EHD1: variants seen among roughly 807,000 people sequenced by gnomAD.
EHD1 encodes EH domain containing 1.
A neutral mutation model predicts 39.0 loss-of-function variants in EHD1; 19 were observed. The ratio of observed to expected loss-of-function variants is 0.49; its 90% confidence interval spans 0.34 to 0.72. EHD1 has a LOEUF of 0.72. Among genes scored for constraint, EHD1 ranks in the 30% least tolerant of loss-of-function variants. The pLI, the probability that EHD1 is intolerant of heterozygous loss-of-function variation, is 0.01. For missense variants in EHD1, 542 were observed against 751.5 expected, an observed-to-expected ratio of 0.72 and a Z score of 3.26; for synonymous variants, 323 against 331.2, an observed-to-expected ratio of 0.98 and a Z score of 0.27.
chr11:64,873,709 C>T (rs1217888822), intron 2 of EHD1, among the ~76,000 whole-genome samples: 2 of 151,352 alleles, frequency 1.3e-5, no homozygotes, highest in East Asian at 2.0e-4. Flanking sequence ...GACGGAGTCT[C>T]GCTGTCGCCC....
At chr11:64,866,463 A>T (rs649208) in intron 2 of EHD1, among the ~76,000 whole-genome samples, 28 of 151,890 alleles carry the variant, frequency 1.8e-4, no homozygotes, top group Non-Finnish European at 3.4e-4. Context: ...TGGGAGGCTG[A>T]GGCAGGAGGA....
chr11:64,870,339 C>A (rs1250318663), intron 2 of EHD1, among the ~76,000 whole-genome samples: 1 of 152,214 alleles, frequency 6.6e-6, no homozygotes, highest in Non-Finnish European at 1.5e-5. Flanking sequence ...ACAGCCCCTA[C>A]CTGGGTTCAA....
chr11:64,864,962 C>T (rs889655598), intron 2 of EHD1, among the ~76,000 whole-genome samples: 2 of 152,208 alleles, frequency 1.3e-5, no homozygotes, highest in Admixed American at 1.3e-4. Flanking sequence ...AGAGTGAGCA[C>T]TCCAAAACTC....
intron 2 of EHD1, among the ~76,000 whole-genome samples, chr11:64,872,290 A>T (rs112146687): frequency 6.6e-6 from 1 of 152,098 alleles, no homozygotes; most frequent in Non-Finnish European, 1.5e-5. Context: ...GCGAAACCCC[A>T]TATCTACTAA....
rs186299813 is a variant in EHD1, at chr11:64,876,245, G to A, written c.405-1727C>T. ...GAGAAGGCCGGCAAGTCAAGTTCAC[G>A]ACTCAATGAGTCTCTTCAAGACTCA... On this transcript the variant is annotated intron_variant, in intron 1 of 4. Transcript: ENST00000320631. Among the ~76,000 whole-genome samples the A allele has an allele frequency of 4.7e-4, 72 of 152,324 alleles. 1 individual carries two copies. The highest frequency in any genetic ancestry group is 3.4e-3 in the Middle Eastern group (1 of 294).
intron 3 of EHD1, among the ~76,000 whole-genome samples, chr11:64,858,522 A>G (rs946834361): frequency 6.6e-6 from 1 of 152,168 alleles, no homozygotes; most frequent in Non-Finnish European, 1.5e-5. Flanking sequence ...GCCCTGTGCT[A>G]AGAGCCTGAA....
chr11:64,879,484 G>A, upstream of EHD1: 3 of 1,402,176 alleles, frequency 2.1e-6, no homozygotes, highest in Non-Finnish European at 2.9e-6. Context: ...GAGGGGAAGT[G>A]TGGGGGCAAC....
chr11:64,866,402 A>T (rs897743437), intron 2 of EHD1, among the ~76,000 whole-genome samples: 1 of 152,124 alleles, frequency 6.6e-6, no homozygotes, highest in African/African-American at 2.4e-5. Context: ...AGGACAGAAA[A>T]ACTGCCTAGC....
rs547602653 is a variant in EHD1 at position 64,854,172 on chromosome 11, C to T, written c.*161G>A. 6 of 1,267,674 alleles carry T rather than the reference C, an allele frequency of 4.7e-6. No homozygotes were observed. In the South Asian group the frequency reaches 7.9e-5, roughly 17 times the overall value. The allele number at this position is 1,267,674 out of a possible 1,614,324, so 78.5% of individuals were successfully genotyped here. ...TCTCACCCCTGCCTCCCCCGCCAGG[C>T]CCAGGAACAGCCTTAAAAGAAAGAT... On this transcript the variant is annotated 3_prime_UTR_variant, in exon 5 of 5. Transcript: ENST00000320631.
At chr11:64,872,000 G>A (rs1409905208) in intron 2 of EHD1, among the ~76,000 whole-genome samples, 3 of 152,140 alleles carry the variant, frequency 2.0e-5, no homozygotes, top group Non-Finnish European at 2.9e-5. Context: ...GAGACAGCCA[G>A]TGTAGACACC....
intron 2 of EHD1, among the ~76,000 whole-genome samples, chr11:64,871,530 CA>C (rs2136496811): frequency 6.6e-6 from 1 of 152,376 alleles, no homozygotes; most frequent in South Asian, 2.1e-4. Context: ...AAACCCTAAC[CA>C]GGTAACTTTT....
intron 2 of EHD1, among the ~76,000 whole-genome samples, chr11:64,870,403 C>T (rs1192652120): frequency 6.6e-6 from 1 of 152,220 alleles, no homozygotes; most frequent in African/African-American, 2.4e-5. Context: ...AATTACTTAA[C>T]TTTCCTAAGC....
chr11:64,863,456 A>G (rs3888184), intron 2 of EHD1, among the ~76,000 whole-genome samples: 10,068 of 152,240 alleles, frequency 0.066, 481 homozygotes, highest in African/African-American at 0.12. Context: ...TGACTCCTCC[A>G]CTACACGGGT....
intron 2 of EHD1, among the ~76,000 whole-genome samples, chr11:64,870,267 G>A (rs2136494754): frequency 6.6e-6 from 1 of 152,262 alleles, no homozygotes; most frequent in East Asian, 1.9e-4. Flanking sequence ...CAAGCTCCCG[G>A]CACTCCTTCG....
At chr11:64,877,682 T>G (rs1943899578) in intron 1 of EHD1, 1 of 214,406 alleles carries the variant, frequency 4.7e-6, no homozygotes, top group African/African-American at 2.3e-5. Context: ...AGGGGAGGGT[T>G]GATTTCCGTG....
chr11:64,879,193 A>C, upstream of EHD1: 1 of 1,059,768 alleles, frequency 9.4e-7, no homozygotes, highest in African/African-American at 1.7e-5. Context: ...AAGTGGTAGC[A>C]GAGCAAGCTG....
At position 64,866,272 on chromosome 11, in the gene EHD1, G is replaced by A. The variant is rs527385806; in HGVS notation, c.503-5936C>T. Among the ~76,000 whole-genome samples, 18 of 152,210 alleles carry A rather than the reference G, an allele frequency of 1.2e-4. No individual in the cohort carries two copies. In the South Asian group the frequency reaches 3.5e-3, roughly 30 times the overall value. ...ACACTAGAATAGAAAACCAAATACC[G>A]CATGTTCCACACCAAATACCGCATG... On this transcript the variant is annotated intron_variant, in intron 2 of 4. Transcript: ENST00000320631.
intron 3 of EHD1, 166 bp downstream of exon 3, chr11:64,859,758 G>A (rs1943692225): frequency 1.0e-5 from 10 of 969,980 alleles, no homozygotes; most frequent in South Asian, 1.9e-5. Flanking sequence ...GGCTGCACGC[G>A]GGTGCTGACC....
intron 3 of EHD1, chr11:64,856,623 A>C (rs1592744397): frequency 6.6e-6 from 1 of 150,872 alleles, no homozygotes; most frequent in South Asian, 2.1e-4. Flanking sequence ...CCCATCCACC[A>C]CCCCGCTCAG....
Sources: allele counts gnomAD v4.1 joint callset (sites outside exome capture counted in the v4.1 genomes callset), GRCh38; gene constraint gnomAD v4.1.1; transcripts MANE v1.5; gene names NCBI Gene and HGNC (gene_info 2026-07-23, HGNC 2026-07-21).